Variants in JMJD1C observed in about 807,000 individuals in gnomAD.
JMJD1C encodes jumonji domain-containing protein 1C.
JMJD1C carries 31 observed loss-of-function variants against 245.3 expected under a neutral mutation model. The ratio of observed to expected loss-of-function variants is 0.13; its 90% CI spans 0.09 to 0.17. The LOEUF (loss-of-function observed/expected upper bound fraction) is 0.17, where lower values mean the gene tolerates loss of function less well. Among genes scored for constraint, JMJD1C ranks in the 10% least tolerant of loss-of-function variants. JMJD1C has a pLI of 1.00. For missense variants in JMJD1C, 2,691 were observed against 3,000.2 expected (o/e 0.90, Z 2.41); for synonymous variants, 1,057 against 1,017.4 (o/e 1.04, Z -0.74).
chr10:63,359,287 T>C (rs571008844), intron 2 of JMJD1C, among the ~76,000 whole-genome samples: 1 of 152,246 alleles, frequency 6.6e-6, no homozygotes, highest in African/African-American at 2.4e-5. Context: ...TTAACATTTT[T>C]CTAAGCTGTT....
intron 1 of JMJD1C, among the ~76,000 whole-genome samples, chr10:63,453,117 G>A (rs1426752084): frequency 1.3e-4 from 20 of 151,976 alleles, no homozygotes; most frequent in Non-Finnish European, 1.9e-4. Flanking sequence ...TCTACCAAAA[G>A]TGCAAAAACT....
intron 1 of JMJD1C, among the ~76,000 whole-genome samples, chr10:63,428,683 T>C (rs1163761744): frequency 6.6e-6 from 1 of 151,910 alleles, no homozygotes; most frequent in African/African-American, 2.4e-5. Flanking sequence ...AAAAGAAAAT[T>C]AAGAACAATG....
At chr10:63,417,371 T>C (rs1355111541) in intron 1 of JMJD1C, among the ~76,000 whole-genome samples, 2 of 152,202 alleles carry the variant, frequency 1.3e-5, no homozygotes, top group Non-Finnish European at 2.9e-5. Flanking sequence ...CCTATGTAGT[T>C]AAATACTCAA....
chr10:63,220,079 T>C (rs1848429704), intron 3 of JMJD1C, 96 bp from the exon 4 acceptor site: 2 of 836,382 alleles, frequency 2.4e-6, no homozygotes, highest in South Asian at 2.1e-5. Context: ...CTGAATAAAA[T>C]TCCTTTGATC....
intron 2 of JMJD1C, among the ~76,000 whole-genome samples, chr10:63,353,249 T>TA (rs1424009175): frequency 6.6e-6 from 1 of 151,990 alleles, no homozygotes; most frequent in African/African-American, 2.4e-5. Flanking sequence ...CAGAAGAAAA[T>TA]ACAGTATTTT....
At chr10:63,197,981 C>A (rs1329206716) in intron 12 of JMJD1C, among the ~76,000 whole-genome samples, 1 of 152,158 alleles carries the variant, frequency 6.6e-6, no homozygotes, top group Admixed American at 6.5e-5. Flanking sequence ...AGGGGCAAAC[C>A]AGTGATTTCA....
At chr10:63,374,222 A>C (rs1180075798) in intron 2 of JMJD1C, among the ~76,000 whole-genome samples, 4 of 152,236 alleles carry the variant, frequency 2.6e-5, no homozygotes, top group African/African-American at 7.2e-5. Flanking sequence ...TAAGTACTAA[A>C]TAACAATTCA....
chr10:63,414,526 G>C (rs1402282463), intron 1 of JMJD1C, among the ~76,000 whole-genome samples: 2 of 152,028 alleles, frequency 1.3e-5, no homozygotes, highest in African/African-American at 4.8e-5. Flanking sequence ...AGGTAACTGT[G>C]ATTCCAGTTA....
intron 2 of JMJD1C, among the ~76,000 whole-genome samples, chr10:63,276,344 T>C (rs961007332): frequency 4.6e-5 from 7 of 151,578 alleles, no homozygotes; most frequent in Non-Finnish European, 8.8e-5. Flanking sequence ...CGGGTGCCTG[T>C]AGTCCCAGCT....
chr10:63,175,470 A>G (rs547464094), intron 24 of JMJD1C, among the ~76,000 whole-genome samples: 1 of 152,350 alleles, frequency 6.6e-6, no homozygotes, highest in Admixed American at 6.5e-5. Flanking sequence ...CACATCCTAA[A>G]AGCTAAGCAA....
chr10:63,223,618 A>C (rs1848895185), intron 3 of JMJD1C, among the ~76,000 whole-genome samples: 1 of 152,124 alleles, frequency 6.6e-6, no homozygotes, highest in Admixed American at 6.6e-5. Flanking sequence ...ACAACTTATA[A>C]CTCATTTATT....
intron 2 of JMJD1C, among the ~76,000 whole-genome samples, chr10:63,349,100 C>CAAAAAAAA (rs71463516): frequency 0.019 from 670 of 34,860 alleles, 143 homozygotes; most frequent in African/African-American, 0.057. Context: ...GACTCTGTCT[C>CAAAAAAAA]AAAAAAAAAA....
At chr10:63,288,316 C>T (rs978154229) in intron 2 of JMJD1C, among the ~76,000 whole-genome samples, 1 of 152,174 alleles carries the variant, frequency 6.6e-6, no homozygotes, top group Admixed American at 6.5e-5. Flanking sequence ...CTTTTCATAG[C>T]TTAATAGCAC....
upstream of JMJD1C, among the ~76,000 whole-genome samples, chr10:63,467,009 T>TA (rs11359293): frequency 2.3e-4 from 35 of 149,780 alleles, no homozygotes; most frequent in Middle Eastern, 3.4e-3. Flanking sequence ...AACCTCTATT[T>TA]AAAAAAAAAA....
At chr10:63,345,623 A>T (rs537829593) in intron 2 of JMJD1C, among the ~76,000 whole-genome samples, 4 of 152,312 alleles carry the variant, frequency 2.6e-5, no homozygotes, top group Admixed American at 2.0e-4. Context: ...CATTTATACA[A>T]TGATCTGAAA....
chr10:63,168,266 A>C (rs1589031305), intron 25 of JMJD1C, 132 bp from the exon 26 acceptor site: 1 of 988,826 alleles, frequency 1.0e-6, no homozygotes, highest in East Asian at 2.4e-5. Flanking sequence ...GAAAGTGTTA[A>C]GCCAAAAGGG....
At chr10:63,249,308 T>G (rs1170326476) in intron 3 of JMJD1C, among the ~76,000 whole-genome samples, 1 of 152,082 alleles carries the variant, frequency 6.6e-6, no homozygotes, top group East Asian at 1.9e-4. Context: ...ACAGTGAGAC[T>G]CCGTCTCAAG....
chr10:63,509,973 C>T (rs952267923), intron 1 of JMJD1C, among the ~76,000 whole-genome samples: 6 of 150,338 alleles, frequency 4.0e-5, no homozygotes, highest in African/African-American at 1.5e-4. Context: ...TTTTCTGTTT[C>T]CTAATGTGGA....
intron 1 of JMJD1C, among the ~76,000 whole-genome samples, chr10:63,428,339 A>T (rs936648046): frequency 1.3e-5 from 2 of 152,260 alleles, no homozygotes; most frequent in African/African-American, 4.8e-5. Context: ...TCTAACTTGC[A>T]TTAATATTGA....
Sources: allele counts gnomAD v4.1 joint callset (sites outside exome capture counted in the v4.1 genomes callset), GRCh38; gene constraint gnomAD v4.1.1; transcripts MANE v1.5; gene names NCBI Gene and HGNC (gene_info 2026-07-23, HGNC 2026-07-21).